Variants in RABEP1 observed in about 807,000 individuals in gnomAD.
RABEP1 encodes the protein rab GTPase-binding effector protein 1.
In RABEP1, 51 loss-of-function variants were observed where a neutral mutation model predicts 123.4. The ratio of observed to expected loss-of-function variants is 0.41; its 90% CI spans 0.33 to 0.52. The LOEUF (loss-of-function observed/expected upper bound fraction) is 0.52. Among genes scored for constraint, RABEP1 ranks in the 20% least tolerant of loss-of-function variants. RABEP1 has a pLI of 0.16. For synonymous variants in RABEP1, 347 were observed against 355.2 expected (o/e 0.98, Z 0.26); for missense variants, 888 against 996.3 (o/e 0.89, Z 1.46).
chr17:5,343,260 A>G (rs1907774273), intron 5 of RABEP1, among the ~76,000 whole-genome samples: 1 of 152,018 alleles, frequency 6.6e-6, no homozygotes, highest in Non-Finnish European at 1.5e-5. Flanking sequence ...CAAAATAAAT[A>G]AATTATTATC....
At chr17:5,322,363 A>G (rs1347578113) in intron 2 of RABEP1, among the ~76,000 whole-genome samples, 1 of 152,140 alleles carries the variant, frequency 6.6e-6, no homozygotes, top group Non-Finnish European at 1.5e-5. Context: ...TCTCAAAAGA[A>G]AAAAAAGAAA....
intron 6 of RABEP1, 86 bp from the exon 7 acceptor site, chr17:5,350,365 G>A (rs1209000706): frequency 3.5e-6 from 5 of 1,423,944 alleles, no homozygotes; most frequent in Non-Finnish European, 4.7e-6. Context: ...GGGCGACAGA[G>A]CGAGACTCCA....
chr17:5,383,852 A>ATTAATGATG lies in RABEP1; in HGVS notation c.*630_*638dup, dbSNP rs1196523852. On this transcript the variant is annotated 3_prime_UTR_variant, in exon 18 of 18. Transcript: ENST00000537505. ...CAAACAAAACCAATTCATGAAGTGA[A>ATTAATGATG]TTAATGATGAGGATCTGAAAACTTG... 2 of 223,334 alleles carry ATTAATGATG rather than the reference A, an allele frequency of 9.0e-6. No individual in the cohort carries two copies. The allele number at this position is 223,334 out of a possible 1,614,324, so 13.8% of individuals were successfully genotyped here.
At chr17:5,290,002 C>G (rs148452694) in intron 1 of RABEP1, among the ~76,000 whole-genome samples, 515 of 152,252 alleles carry the variant, frequency 3.4e-3, no homozygotes, top group Middle Eastern at 0.01. Flanking sequence ...TAAAATATCT[C>G]CATTTATCAT....
rs1207226414 is a variant in RABEP1 at position 5,312,978 on chromosome 17, T to C, written c.163+4156T>C. ...AAAAATTAGCTGGGCCTGGTGATGGTGTGTGCCTGTAGTCCCAGCTACTTG... is the reference window on the plus strand; with the variant it reads ...AAAAATTAGCTGGGCCTGGTGATGGCGTGTGCCTGTAGTCCCAGCTACTTG... On this transcript the variant is annotated intron_variant, in intron 2 of 17. Coordinates refer to ENST00000537505, the MANE Select transcript of RABEP1 (RefSeq NM_004703.6). Among the ~76,000 whole-genome samples the C allele has an allele frequency of 4.6e-5, 7 of 152,048 alleles. No individual in the cohort carries two copies. In the East Asian group the frequency reaches 9.7e-4, roughly 21 times the overall value.
At chr17:5,304,203 C>T (rs866510435) in intron 1 of RABEP1, among the ~76,000 whole-genome samples, 52 of 151,576 alleles carry the variant, frequency 3.4e-4, no homozygotes, top group African/African-American at 1.1e-3. Context: ...ATTCTTTTTT[C>T]GTTTTGTATT....
intron 5 of RABEP1, among the ~76,000 whole-genome samples, chr17:5,345,379 T>G (rs867265926): frequency 1.3e-5 from 2 of 152,356 alleles, no homozygotes; most frequent in Middle Eastern, 3.4e-3. Flanking sequence ...CCATTTGTTG[T>G]TGGTTTTGGT....
chr17:5,299,638 T>C (rs1042385803), intron 1 of RABEP1, among the ~76,000 whole-genome samples: 3 of 151,704 alleles, frequency 2.0e-5, no homozygotes, highest in Admixed American at 6.6e-5. Context: ...CAGTCCTCTC[T>C]GCTGTCATTG....
intron 1 of RABEP1, among the ~76,000 whole-genome samples, chr17:5,284,304 C>T (rs2144419888): frequency 6.6e-6 from 1 of 152,236 alleles, no homozygotes; most frequent in Admixed American, 6.5e-5. Flanking sequence ...TCCTATTTCT[C>T]AAATCTTGTG....
chr17:5,296,329 T>C lies in RABEP1; in HGVS notation c.35-12365T>C, dbSNP rs141764642. Among the ~76,000 whole-genome samples the C allele has an allele frequency of 1.3e-3, 195 of 152,336 alleles. 3 individuals are homozygous for C. The East Asian group carries it at 0.034, about 27-fold the overall frequency. ...CCCAGGCTGGAGTGCAATGGTGCTATCTCAGCTCACCACAACCTCCGCCTC... is the reference window on the plus strand; with the variant it reads ...CCCAGGCTGGAGTGCAATGGTGCTACCTCAGCTCACCACAACCTCCGCCTC... On this transcript the variant is annotated intron_variant, in intron 1 of 17. Transcript: ENST00000537505.
chr17:5,347,045 G>A, intron 6 of RABEP1, 120 bp downstream of exon 6: 1 of 887,330 alleles, frequency 1.1e-6, no homozygotes, highest in Non-Finnish European at 1.6e-6. Context: ...TTCAATTTAA[G>A]CCTTGTAGTT....
At chr17:5,323,671 A>AT (rs1236202755) in intron 2 of RABEP1, among the ~76,000 whole-genome samples, 2 of 125,636 alleles carry the variant, frequency 1.6e-5, no homozygotes, top group African/African-American at 6.8e-5. Flanking sequence ...AATTTCTTTC[A>AT]TTGGTGATAT....
At chr17:5,343,356 C>G (rs1208170349) in intron 5 of RABEP1, among the ~76,000 whole-genome samples, 1 of 152,136 alleles carries the variant, frequency 6.6e-6, no homozygotes, top group Non-Finnish European at 1.5e-5. Flanking sequence ...GAGTTCAAGA[C>G]CAGCCAGCAC....
At chr17:5,296,551 G>A (rs983768159) in intron 1 of RABEP1, among the ~76,000 whole-genome samples, 8 of 152,056 alleles carry the variant, frequency 5.3e-5, no homozygotes, top group Non-Finnish European at 1.2e-4. Context: ...GTGAGCCACC[G>A]TGCCCAGCCT....
rs1449675180 is a variant in RABEP1 at position 5,346,868 on chromosome 17, A to G, written c.727A>G (p.Thr243Ala). 6 of 1,609,780 alleles carry G rather than the reference A, an allele frequency of 3.7e-6. No individual in the cohort carries two copies. Among genetic ancestry groups the G allele is most frequent in the Admixed American group, 1.7e-5 (1 of 59,814 alleles). The change falls in exon 6 of 18, where the codon ACT becomes GCT. Residue 243 changes from threonine (T) to alanine (A), a missense_variant. Coordinates refer to ENST00000537505, the MANE Select transcript of RABEP1 (RefSeq NM_004703.6). ...AGAGATGTATGTAGCTGTTTTGAAT[A>G]CTCAGAAATCTGTTCTACAGGAAGA... ...DLEMYVAVLN[T>A]QKSVLQEDAE...
chr17:5,284,466 A>AT (rs879629910), intron 1 of RABEP1, among the ~76,000 whole-genome samples: 2,045 of 145,342 alleles, frequency 0.014, 20 homozygotes, highest in Non-Finnish European at 0.018. Flanking sequence ...GGGGATTTTA[A>AT]TTTTTTTTTT....
intron 10 of RABEP1, chr17:5,364,586 G>T (rs1412014478): frequency 6.6e-6 from 1 of 152,506 alleles, no homozygotes; most frequent in African/African-American, 2.4e-5. Context: ...TGCAAAATTA[G>T]CCAGGTGTGG....
At chr17:5,312,268 C>T (rs1053828764) in intron 2 of RABEP1, among the ~76,000 whole-genome samples, 2 of 152,214 alleles carry the variant, frequency 1.3e-5, no homozygotes, top group Admixed American at 1.3e-4. Flanking sequence ...CCTGCCTTAG[C>T]CTCCCGAGTA....
intron 2 of RABEP1, among the ~76,000 whole-genome samples, chr17:5,317,297 A>C (rs1179391210): frequency 6.6e-6 from 1 of 152,240 alleles, no homozygotes; most frequent in Non-Finnish European, 1.5e-5. Context: ...CAACACCTGA[A>C]AATCAGTAGG....
Sources: allele counts gnomAD v4.1 joint callset (sites outside exome capture counted in the v4.1 genomes callset), GRCh38; gene constraint gnomAD v4.1.1; transcripts MANE v1.5; gene names NCBI Gene and HGNC (gene_info 2026-07-23, HGNC 2026-07-21).